The following RUFY2 variants were observed in gnomAD, a reference collection of about 807,000 sequenced individuals.
RUFY2 encodes the protein RUN and FYVE domain containing 2, also known as RUN and FYVE domain-containing protein 2.
A neutral mutation model predicts 94.4 loss-of-function variants in RUFY2; 49 were observed. The observed-to-expected ratio is 0.52, with a 90% CI of 0.41 to 0.66. RUFY2 has a LOEUF of 0.66. Ranked by LOEUF, RUFY2 falls within the 30% of genes least tolerant of loss-of-function variation. The pLI, the probability that RUFY2 is intolerant of heterozygous loss-of-function variation, is 0.00. For missense variants in RUFY2, 541 were observed against 692.8 expected (o/e 0.78, Z 2.46); for synonymous variants, 255 against 235.7 (o/e 1.08, Z -0.75).
chr10:68,405,693 T>C (rs1245595337), intron 1 of RUFY2: 1 of 982,726 alleles, frequency 1.0e-6, no homozygotes, highest in Admixed American at 6.2e-5. Context: ...GAAGAAGCCG[T>C]CCAATTCTTT....
At chr10:68,349,426 G>A (rs966337279) in intron 16 of RUFY2, among the ~76,000 whole-genome samples, 1 of 152,040 alleles carries the variant, frequency 6.6e-6, no homozygotes, top group South Asian at 2.1e-4. Context: ...AGGCTGAGGG[G>A]GGGAGGATTG....
At position 68,396,787 on chromosome 10, in the gene RUFY2, G is replaced by A. The variant is rs1385805147; in HGVS notation, c.391C>T (p.Leu131Phe). ...CGACTTAATAGTACTAACCTCAAGA[G>A]ATCCCTCTGAATAATTAAGCAACGT... ...YLRCLIIQRDLLSEFYEYHAL... is the reference protein window; with the variant it reads ...YLRCLIIQRDFLSEFYEYHAL... The change falls in exon 4 of 18, where the codon CTC (leucine) becomes TTC (phenylalanine). Residue 131 changes from leucine (L) to phenylalanine (F), a missense_variant. Leu to Phe is a conservative substitution (Grantham distance 22). Transcript: ENST00000602465. 1 of 1,607,868 alleles carries A rather than the reference G, an allele frequency of 6.2e-7. No individual in the cohort carries two copies. Among genetic ancestry groups the A allele is most frequent in the Admixed American group, 1.7e-5 (1 of 59,938 alleles).
chr10:68,354,106 C>T (rs2046883630), intron 16 of RUFY2, among the ~76,000 whole-genome samples: 1 of 152,094 alleles, frequency 6.6e-6, no homozygotes, highest in African/African-American at 2.4e-5. Flanking sequence ...GAGTGAAGAA[C>T]AAGAGACTGC....
At chr10:68,368,775 C>G (rs1436475122) in intron 13 of RUFY2, among the ~76,000 whole-genome samples, 2 of 152,128 alleles carry the variant, frequency 1.3e-5, no homozygotes, top group African/African-American at 2.4e-5. Flanking sequence ...TTCTTTTTAT[C>G]TCATATATAG....
intron 6 of RUFY2, among the ~76,000 whole-genome samples, chr10:68,393,497 G>A (rs538681783): frequency 1.2e-4 from 18 of 152,216 alleles, no homozygotes; most frequent in African/African-American, 4.3e-4. Flanking sequence ...GGAGGCCGAG[G>A]CAGGCAGGTC....
chr10:68,362,826 CCTT>C (rs938147254), intron 15 of RUFY2, among the ~76,000 whole-genome samples: 15 of 152,004 alleles, frequency 9.9e-5, no homozygotes, highest in African/African-American at 2.4e-4. Flanking sequence ...CACCATTTCT[CCTT>C]CTTGTCTTTA....
chr10:68,345,016 T>A lies in RUFY2; in HGVS notation c.*752A>T, dbSNP rs1259892116. ...TTTCATCTTTGAATTGGGGTCTGAG[T>A]CACCCCTTAAAAAAACAGCAATTTA... is the stretch of plus-strand genomic sequence containing the variant. On this transcript the variant is annotated 3_prime_UTR_variant, in exon 18 of 18. Coordinates refer to ENST00000602465, the MANE Select transcript of RUFY2 (RefSeq NM_001330103.2). The A allele has an allele frequency of 6.6e-6, 1 of 152,034 alleles. No homozygotes were observed. Among genetic ancestry groups the A allele is most frequent in the Non-Finnish European group, 1.5e-5 (1 of 68,016 alleles). The allele number at this position is 152,034 out of a possible 1,614,324, so 9.4% of individuals were successfully genotyped here.
Position 68,355,359 on chromosome 10 carries a change from T to TGCTTTGTTG in RUFY2, c.1584_1592dup (p.Asn529_Ala531dup). The TGCTTTGTTG allele has an allele frequency of 6.2e-7, 1 of 1,611,590 alleles. No individual in the cohort carries two copies. Among genetic ancestry groups the TGCTTTGTTG allele is most frequent in the Non-Finnish European group, 8.5e-7 (1 of 1,178,160 alleles). The stretch of plus-strand genomic sequence containing the variant: ...AGGAAAACGTTCTACTCACCTGCAA[T>TGCTTTGTTG]GCTTTGTTGGCTTCTTTTATGTCTT... On this transcript the variant is annotated inframe_insertion, in exon 16 of 18. Coordinates refer to ENST00000602465, the MANE Select transcript of RUFY2 (RefSeq NM_001330103.2).
At chr10:68,397,337 T>C (rs1483652460) in intron 3 of RUFY2, among the ~76,000 whole-genome samples, 1 of 152,154 alleles carries the variant, frequency 6.6e-6, no homozygotes, top group Admixed American at 6.5e-5. Flanking sequence ...CAGCTAAACA[T>C]GGAAATGGTA....
Position 68,400,492 on chromosome 10 carries a change from T to C in RUFY2, c.296+1128A>G, listed in dbSNP as rs182596383. ...GAGATCAAGACCATCCTGGCTAACA[T>C]GGTGAAACCCCGTCTCTACTAAAAA... On this transcript the variant is annotated intron_variant, in intron 3 of 17. Coordinates refer to ENST00000602465, the MANE Select transcript of RUFY2 (RefSeq NM_001330103.2). Among the ~76,000 whole-genome samples, 1,247 of 149,576 alleles carry C rather than the reference T, an allele frequency of 8.3e-3. 23 individuals are homozygous for C. Among genetic ancestry groups the C allele is most frequent in the African/African-American group, 0.027 (1,111 of 40,618 alleles).
intron 12 of RUFY2, chr10:68,377,875 C>A (rs1431801849): frequency 2.0e-6 from 2 of 985,232 alleles, no homozygotes; most frequent in Non-Finnish European, 2.4e-6. Context: ...TAAAACCATA[C>A]CAATGGAGCA....
At chr10:68,376,067 C>G (rs2048614365) in intron 13 of RUFY2, among the ~76,000 whole-genome samples, 1 of 146,426 alleles carries the variant, frequency 6.8e-6, no homozygotes, top group South Asian at 2.2e-4. Flanking sequence ...CGTGCCATTG[C>G]ACTCCAGCCT....
In RUFY2 at chr10:68,344,359, C is replaced by T. The variant is rs1056748984; in HGVS notation, c.*1409G>A. On this transcript the variant is annotated 3_prime_UTR_variant, in exon 18 of 18. Coordinates refer to ENST00000602465, the MANE Select transcript of RUFY2 (RefSeq NM_001330103.2). ...ATAATGCTCTTAATCCATAAATTTT[C>T]TATGTATTTTTTATAGGCTCACAAA... The T allele has an allele frequency of 6.6e-6, 1 of 152,068 alleles. No individual in the cohort carries two copies. The highest frequency in any genetic ancestry group is 2.4e-5 in the African/African-American group (1 of 41,390). 9.4% of individuals were successfully genotyped at this position (152,068 alleles called of 1,614,324 possible). A position where few individuals can be genotyped will look rare whatever the true frequency, so the allele number is the denominator to read the frequency against.
intron 15 of RUFY2, among the ~76,000 whole-genome samples, chr10:68,359,803 G>C (rs1340655658): frequency 1.3e-5 from 2 of 149,318 alleles, no homozygotes; most frequent in African/African-American, 4.9e-5. Context: ...AAAAAAAAAA[G>C]ATAGATTTGG....
In RUFY2 at chr10:68,393,024, C is replaced by A. The variant is rs2133058702; in HGVS notation, c.650+114G>T. On this transcript the variant is annotated intron_variant, in intron 7 of 17. Coordinates refer to ENST00000602465, the MANE Select transcript of RUFY2 (RefSeq NM_001330103.2). ...TTCTTACTTTCCATTTTCTCTCTAT[C>A]CCCTCAACCCCTTCTCAAAGACTCT... 3 of 427,094 alleles carry A rather than the reference C, an allele frequency of 7.0e-6. No individual in the cohort carries two copies. In the East Asian group the frequency reaches 1.1e-4, roughly 16 times the overall value. 26.5% of individuals were successfully genotyped at this position (427,094 alleles called of 1,614,324 possible).
downstream of RUFY2, chr10:68,342,140 G>A: frequency 1.1e-6 from 1 of 932,764 alleles, no homozygotes; most frequent in Non-Finnish European, 1.6e-6. Flanking sequence ...TGTATTTTAA[G>A]AACTTTATAA....
chr10:68,379,711 A>T (rs1185655151), intron 11 of RUFY2, among the ~76,000 whole-genome samples, 190 bp from the exon 12 acceptor site: 1 of 152,024 alleles, frequency 6.6e-6, no homozygotes, highest in Non-Finnish European at 1.5e-5. Flanking sequence ...GAGTATTTAT[A>T]AGTTTCTTAC....
At chr10:68,364,271 C>G (rs2047654220) in intron 13 of RUFY2, among the ~76,000 whole-genome samples, 158 bp from the exon 14 acceptor site, 1 of 152,164 alleles carries the variant, frequency 6.6e-6, no homozygotes, top group East Asian at 1.9e-4. Context: ...TAAACAAGTT[C>G]AGCAGCACAG....
chr10:68,396,862 T>C lies in RUFY2; in HGVS notation c.316A>G (p.Arg106Gly). The C allele has an allele frequency of 6.2e-7, 1 of 1,613,944 alleles. No individual in the cohort carries two copies. The highest frequency in any genetic ancestry group is 8.5e-7 in the Non-Finnish European group (1 of 1,179,820). ...ATGAGGGCTAATCGAAGCCACGCTC[T>C]TGCTCGACCCAGAGGGGTCCTAAAG... The part of the protein sequence containing the change: ...PGLKTPLGRA[R>G]AWLRLALMQK... Residue 106 changes from arginine (R) to glycine (G), a missense_variant, in exon 4 of 18, where the codon AGA (arginine) becomes GGA (glycine). Transcript: ENST00000602465.
Sources: gnomAD v4.1 joint callset for allele counts (sites outside exome capture counted in the v4.1 genomes callset) on GRCh38, gnomAD v4.1.1 for gene constraint, MANE v1.5 for transcripts, NCBI Gene and HGNC (gene_info 2026-07-23, HGNC 2026-07-21) for gene names.